The following ARHGEF26 variants were observed in gnomAD, a reference collection of about 807,000 sequenced individuals.
The protein encoded by ARHGEF26 is Rho guanine nucleotide exchange factor (GEF) 26.
In ARHGEF26, 59 loss-of-function variants were observed where a neutral mutation model predicts 89.4. That is an observed-to-expected ratio of 0.66 (90% confidence interval 0.54 to 0.82). The LOEUF (loss-of-function observed/expected upper bound fraction) is 0.82, where lower values mean the gene tolerates loss of function less well. ARHGEF26 is among the 40% of genes least tolerant of loss of function. The pLI, the probability that ARHGEF26 is intolerant of heterozygous loss-of-function variation, is 0.00. For missense variants in ARHGEF26, 1,234 were observed against 1,085.6 expected (o/e 1.14, Z -1.92); for synonymous variants, 500 against 428.4 (o/e 1.17, Z -2.06).
chr3:154,219,939 A>AAC (rs71152794), intron 10 of ARHGEF26, among the ~76,000 whole-genome samples: 14 of 151,516 alleles, frequency 9.2e-5, no homozygotes, highest in Middle Eastern at 3.4e-3. Context: ...CAAAAAACAA[A>AAC]CAAAAAAGTA....
chr3:154,237,092 A>G (rs543929416), intron 11 of ARHGEF26, among the ~76,000 whole-genome samples: 3 of 152,212 alleles, frequency 2.0e-5, no homozygotes, highest in African/African-American at 7.2e-5. Context: ...TGGACATTTG[A>G]GAGGACTACA....
At chr3:154,200,688 T>C (rs1280944344) in intron 9 of ARHGEF26, among the ~76,000 whole-genome samples, 1 of 151,308 alleles carries the variant, frequency 6.6e-6, no homozygotes, top group Non-Finnish European at 1.5e-5. Flanking sequence ...TAATTTAATT[T>C]AATAATTTTA....
chr3:154,204,998 C>G (rs1246345330), intron 9 of ARHGEF26, among the ~76,000 whole-genome samples: 1 of 152,092 alleles, frequency 6.6e-6, no homozygotes, highest in Admixed American at 6.5e-5. Flanking sequence ...ATGAAATGTT[C>G]TGTAAATATC....
At chr3:154,230,258 C>T (rs1284581049) in intron 11 of ARHGEF26, among the ~76,000 whole-genome samples, 1 of 152,152 alleles carries the variant, frequency 6.6e-6, no homozygotes, top group Non-Finnish European at 1.5e-5. Context: ...TTTATTGTCT[C>T]ACAGTTCTGG....
intron 6 of ARHGEF26, among the ~76,000 whole-genome samples, chr3:154,171,669 G>A (rs1359221582): frequency 2.6e-5 from 4 of 152,098 alleles, no homozygotes; most frequent in Non-Finnish European, 4.4e-5. Flanking sequence ...GACATAAGAG[G>A]CACTATTGAA....
In ARHGEF26 at chr3:154,221,402, A is replaced by G. The variant is rs1226872320; in HGVS notation, c.1935+3444A>G. 5.3e-5 allele frequency among the ~76,000 whole-genome samples: 8 copies of G among 152,320 alleles called. No homozygotes were observed. The East Asian group carries it at 9.6e-4, about 18-fold the overall frequency. On this transcript the variant is annotated intron_variant, in intron 10 of 14. Coordinates refer to ENST00000465093, the MANE Select transcript of ARHGEF26 (RefSeq NM_015595.4). ...TGGTGGGAAAGATTGTTTTACCCCA[A>G]TGGTGTGCAATTTGGCAATAACTAT...
chr3:154,205,354 C>T (rs998612016), intron 9 of ARHGEF26, among the ~76,000 whole-genome samples: 2 of 151,890 alleles, frequency 1.3e-5, no homozygotes, highest in Non-Finnish European at 1.5e-5. Flanking sequence ...TTTCCATTGA[C>T]GTGGAGTATC....
chr3:154,130,828 AGAATCAG>A (rs1718642290), intron 4 of ARHGEF26, among the ~76,000 whole-genome samples: 1 of 152,226 alleles, frequency 6.6e-6, no homozygotes. Flanking sequence ...AGAGATGTTT[AGAATCAG>A]GAATCTTGTG....
chr3:154,181,593 C>G (rs1240427207), intron 6 of ARHGEF26, among the ~76,000 whole-genome samples: 1 of 152,158 alleles, frequency 6.6e-6, no homozygotes, highest in East Asian at 1.9e-4. Context: ...GCTGCTTAGT[C>G]TCTCTGTCAT....
chr3:154,246,948 T>C (rs1484555120), intron 12 of ARHGEF26, among the ~76,000 whole-genome samples: 1 of 152,180 alleles, frequency 6.6e-6, no homozygotes. Context: ...TGTTAGCTAG[T>C]TGAGTTGTTT....
intron 10 of ARHGEF26, among the ~76,000 whole-genome samples, chr3:154,222,239 A>ATG (rs928867456): frequency 1.6e-4 from 24 of 152,264 alleles, no homozygotes; most frequent in African/African-American, 5.8e-4. Flanking sequence ...TTTGTAGGGC[A>ATG]TGTGTGTGTG....
At chr3:154,221,815 T>C (rs1716147958) in intron 10 of ARHGEF26, among the ~76,000 whole-genome samples, 1 of 152,030 alleles carries the variant, frequency 6.6e-6, no homozygotes, top group Non-Finnish European at 1.5e-5. Flanking sequence ...GGTCAGGGAG[T>C]GGGCCTTGTC....
chr3:154,126,554 T>C (rs1041696791), intron 3 of ARHGEF26, among the ~76,000 whole-genome samples: 1 of 152,224 alleles, frequency 6.6e-6, no homozygotes, highest in Non-Finnish European at 1.5e-5. Flanking sequence ...TCTAAGCAAG[T>C]CTTTCCTTTT....
intron 6 of ARHGEF26, among the ~76,000 whole-genome samples, chr3:154,163,085 A>T (rs1206356683): frequency 2.0e-5 from 3 of 152,146 alleles, no homozygotes; most frequent in Non-Finnish European, 2.9e-5. Flanking sequence ...ACTTGTTTTT[A>T]CTTCTCTTTC....
At chr3:154,150,305 A>G (rs1186482312) in intron 5 of ARHGEF26, among the ~76,000 whole-genome samples, 3 of 152,138 alleles carry the variant, frequency 2.0e-5, no homozygotes, top group South Asian at 4.1e-4. Flanking sequence ...TAAAAAGAAC[A>G]TAAAACTGAT....
At chr3:154,234,671 A>G (rs1249422630) in intron 11 of ARHGEF26, among the ~76,000 whole-genome samples, 1 of 152,162 alleles carries the variant, frequency 6.6e-6, no homozygotes. Flanking sequence ...CAAACCCACT[A>G]TTCTGCTTCA....
intron 6 of ARHGEF26, among the ~76,000 whole-genome samples, chr3:154,184,825 T>A (rs1169009586): frequency 6.6e-6 from 1 of 152,218 alleles, no homozygotes; most frequent in African/African-American, 2.4e-5. Context: ...TCTTATTGTC[T>A]ACAGATTAAT....
intron 6 of ARHGEF26, among the ~76,000 whole-genome samples, chr3:154,170,140 T>C (rs139811613): frequency 0.011 from 1,731 of 151,412 alleles, 27 homozygotes; most frequent in Middle Eastern, 0.042. Flanking sequence ...GGTGGGTGAA[T>C]TGCTTGAGCC....
intron 4 of ARHGEF26, among the ~76,000 whole-genome samples, chr3:154,130,900 A>G (rs190394620): frequency 1.3e-5 from 2 of 152,334 alleles, no homozygotes; most frequent in East Asian, 3.9e-4. Context: ...GGTGCTGTAT[A>G]GCCAGGGCCG....
Sources: allele counts gnomAD v4.1 joint callset (sites outside exome capture counted in the v4.1 genomes callset), GRCh38; gene constraint gnomAD v4.1.1; transcripts MANE v1.5; gene names NCBI Gene and HGNC (gene_info 2026-07-23, HGNC 2026-07-21).